The following LZTR1 variants were observed in gnomAD, a reference collection of about 807,000 sequenced individuals.
LZTR1 encodes leucine zipper like post translational regulator 1, also known as leucine-zipper-like transcriptional regulator 1.
In LZTR1, 260 loss-of-function variants were observed where a neutral mutation model predicts 105.7. The observed-to-expected ratio is 2.46, with a 90% CI of 2.22 to 2.72. LZTR1 has a LOEUF of 2.72. Among genes scored for constraint, LZTR1 ranks in the 30% most tolerant of loss-of-function variants. The pLI, the probability that LZTR1 is intolerant of heterozygous loss-of-function variation, is 0.00. For synonymous variants in LZTR1, 490 were observed against 476.4 expected (o/e 1.03, Z -0.37); for missense variants, 1,214 against 1,166.9 (o/e 1.04, Z -0.59).
At chr22:20,994,389 GGTC>G in intron 14 of LZTR1, 120 bp downstream of exon 14, 2 of 1,311,578 alleles carry the variant, frequency 1.5e-6, no homozygotes, top group Middle Eastern at 2.3e-4. Flanking sequence ...AGAGGCTGCA[GGTC>G]ACCCTCCTTA....
chr22:20,983,273 C>T (rs889124215), intron 2 of LZTR1, among the ~76,000 whole-genome samples, 184 bp downstream of exon 2: 4 of 152,178 alleles, frequency 2.6e-5, no homozygotes, highest in African/African-American at 9.7e-5. Context: ...AAATGAGATC[C>T]TGCACTCATG....
chr22:20,992,512 C>T, intron 10 of LZTR1, 143 bp downstream of exon 10: 3 of 992,704 alleles, frequency 3.0e-6, no homozygotes, highest in Non-Finnish European at 4.3e-6. Flanking sequence ...GCCAAGGGCC[C>T]TCACCCTGCT....
In LZTR1 at chr22:20,998,356, C is replaced by T. The variant is rs1002705332; in HGVS notation, c.*1008C>T. 2.0e-5 allele frequency: 3 copies of T among 152,548 alleles called. No homozygotes were observed. Among genetic ancestry groups the T allele is most frequent in the Non-Finnish European group, 4.4e-5 (3 of 68,266 alleles). 9.4% of individuals were successfully genotyped at this position (152,548 alleles called of 1,614,324 possible). A position where few individuals can be genotyped will look rare whatever the true frequency, so the allele number is the denominator to read the frequency against. ...TGGGCTCCTGCCCCTTCTGCCCTGC[C>T]TTGCCCCTGCACTATGCTCTTGGCT... is the stretch of plus-strand genomic sequence containing the variant. On this transcript the variant is annotated 3_prime_UTR_variant, in exon 21 of 21. Transcript: ENST00000646124.
chr22:20,994,176 C>G lies in LZTR1; in HGVS notation c.1522C>G (p.Leu508Val). The change falls in exon 14 of 21, where the codon CTG (leucine) becomes GTG (valine). Residue 508 changes from leucine to valine, a missense_variant. By Grantham distance (32) the Leu-to-Val change is conservative. Transcript: ENST00000646124. Reference sequence around the variant, plus strand: ...GGCTGCTGGTGGGGCCCGGCCGCCCCTGCTGCACGTGGCCATCCGGGAGGC... The same window carrying G: ...GGCTGCTGGTGGGGCCCGGCCGCCCGTGCTGCACGTGGCCATCCGGGAGGC... ...GVAAGGARPP[L>V]LHVAIREAEA... 1 of 1,601,878 alleles carries G rather than the reference C, an allele frequency of 6.2e-7. No homozygotes were observed. Among genetic ancestry groups the G allele is most frequent in the Non-Finnish European group, 8.5e-7 (1 of 1,176,502 alleles).
intron 11 of LZTR1, chr22:20,993,338 G>C: frequency 2.0e-6 from 1 of 490,050 alleles, no homozygotes. Context: ...GTGCTGGTGG[G>C]GGCCAGTGTG....
At chr22:20,985,977 A>T in intron 3 of LZTR1, 80 bp downstream of exon 3, 1 of 1,416,276 alleles carries the variant, frequency 7.1e-7, no homozygotes, top group Non-Finnish European at 9.9e-7. Flanking sequence ...TTGCTAGCAG[A>T]GTCTCTCTCA....
At chr22:20,995,128 G>C (rs375143712) in intron 16 of LZTR1, 102 bp downstream of exon 16, 23 of 1,355,184 alleles carry the variant, frequency 1.7e-5, no homozygotes, top group African/African-American at 2.9e-5. Flanking sequence ...CCCTCGGGGT[G>C]GGGGTGGGTG....
intron 2 of LZTR1, among the ~76,000 whole-genome samples, chr22:20,984,578 A>G (rs1601714954): frequency 1.5e-5 from 2 of 131,510 alleles, no homozygotes; most frequent in East Asian, 4.8e-4. Context: ...AGTACAAAGA[A>G]AGATGGCCTC....
At position 20,994,270 on chromosome 22, in the gene LZTR1, G is replaced by C. The variant is rs1381717741; in HGVS notation, c.1615+1G>C. The C allele has an allele frequency of 6.3e-7, 1 of 1,597,408 alleles. No homozygotes were observed. Among genetic ancestry groups the C allele is most frequent in the Non-Finnish European group, 8.5e-7 (1 of 1,179,026 alleles). On this transcript the variant is annotated splice_donor_variant, in intron 14 of 20. Coordinates refer to ENST00000646124, the MANE Select transcript of LZTR1 (RefSeq NM_006767.4). LOFTEE classifies it high-confidence loss of function. ...GACAAGATCAAATACCCACGGAAAG[G>C]TCCGCCTGGGTGGGGGTGGAGCAGG...
chr22:20,992,482 C>T, intron 10 of LZTR1, 113 bp downstream of exon 10: 1 of 1,243,240 alleles, frequency 8.0e-7, no homozygotes, highest in Middle Eastern at 1.9e-4. Context: ...CTTGGGGTCA[C>T]ACCACAAAGG....
intron 6 of LZTR1, among the ~76,000 whole-genome samples, chr22:20,989,279 CTT>C (rs1924510818): frequency 6.6e-6 from 1 of 152,254 alleles, no homozygotes. Flanking sequence ...TTTCCCAAAA[CTT>C]CAGCATCATA....
At position 20,982,548 on chromosome 22, in the gene LZTR1, C is replaced by T; in HGVS notation, c.177C>T (p.Pro59=). ...TGCATCGCTGGCGGCGCCTCCCGCC[C>T]TGCGACGAGTTCGTGGGTGCCCGGT... is the stretch of plus-strand genomic sequence containing the variant. ...ETVHRWRRLP[P]CDEFVGARRS... The change falls in exon 1 of 21, where the codon CCC becomes CCT. Residue 59 remains proline (P), a synonymous_variant. Transcript: ENST00000646124. The T allele has an allele frequency of 6.2e-7, 1 of 1,612,652 alleles. No individual in the cohort carries two copies. Among genetic ancestry groups the T allele is most frequent in the East Asian group, 2.2e-5 (1 of 44,868 alleles).
chr22:20,994,662 G>T lies in LZTR1; in HGVS notation c.1720G>T (p.Val574Leu), dbSNP rs772702683. The change falls in exon 15 of 21, where the codon GTG becomes TTG. Residue 574 changes from valine to leucine, a missense_variant. Val to Leu is a conservative substitution (Grantham distance 32). Transcript: ENST00000646124. Reference protein sequence around the residue: ...QLCRQYIEASVDLQNVLVVCE... With the variant: ...QLCRQYIEASLDLQNVLVVCE... ...GTGCCGCCAGTACATCGAGGCCTCC[G>T]TGGACCTGCAGAACGTGCTGGTTGT... 1 of 1,612,938 alleles carries T rather than the reference G, an allele frequency of 6.2e-7. No homozygotes were observed. Among genetic ancestry groups the T allele is most frequent in the Non-Finnish European group, 8.5e-7 (1 of 1,179,874 alleles).
At chr22:20,984,613 A>C (rs9613462) in intron 2 of LZTR1, among the ~76,000 whole-genome samples, 23 of 136,654 alleles carry the variant, frequency 1.7e-4, no homozygotes, top group South Asian at 1.0e-3. Context: ...GCAAGTAAGG[A>C]GGGGGGGGGG....
At position 20,995,791 on chromosome 22, in the gene LZTR1, G is replaced by T. The variant is rs1467490184; in HGVS notation, c.1988G>T (p.Gly663Val). 1 of 1,613,564 alleles carries T rather than the reference G, an allele frequency of 6.2e-7. No homozygotes were observed. Among genetic ancestry groups the T allele is most frequent in the South Asian group, 1.1e-5 (1 of 91,080 alleles). The change falls in exon 17 of 21, where the codon GGC (glycine) becomes GTC (valine). Residue 663 changes from glycine (G) to valine (V), a missense_variant. By Grantham distance (109) the Gly-to-Val change is moderately radical. Coordinates refer to ENST00000646124, the MANE Select transcript of LZTR1 (RefSeq NM_006767.4). ...ATGAAGGCATACCTGGAGGGAGCGG[G>T]CGCGGAATTCTGTGACATCACTCTG... ...QDMKAYLEGAGAEFCDITLLL... is the reference protein window; with the variant it reads ...QDMKAYLEGAVAEFCDITLLL...
intron 2 of LZTR1, among the ~76,000 whole-genome samples, chr22:20,985,135 A>G (rs2266957): frequency 0.22 from 32,083 of 142,610 alleles, 3,852 homozygotes; most frequent in Middle Eastern, 0.32. Context: ...ATCTTGGCTC[A>G]CTGCAACCTC....
At chr22:20,985,554 T>A (rs903898984) in intron 2 of LZTR1, among the ~76,000 whole-genome samples, 1 of 150,456 alleles carries the variant, frequency 6.6e-6, no homozygotes, top group Non-Finnish European at 1.5e-5. Flanking sequence ...ATTTCATGCC[T>A]TCATGTCAGC....
intron 2 of LZTR1, among the ~76,000 whole-genome samples, chr22:20,984,353 G>C (rs1042325357): frequency 6.6e-6 from 1 of 152,198 alleles, no homozygotes; most frequent in Non-Finnish European, 1.5e-5. Flanking sequence ...ATTTACTGCA[G>C]CCTTAATGAG....
intron 3 of LZTR1, chr22:20,986,208 T>TG (rs1924374495): frequency 7.0e-6 from 2 of 285,446 alleles, no homozygotes; most frequent in Non-Finnish European, 1.3e-5. Flanking sequence ...CTCTCACACT[T>TG]GATTTTGTAA....
Sources: allele counts gnomAD v4.1 joint callset (sites outside exome capture counted in the v4.1 genomes callset), GRCh38; gene constraint gnomAD v4.1.1; transcripts MANE v1.5; gene names NCBI Gene and HGNC (gene_info 2026-07-23, HGNC 2026-07-21).